MFHAS1: variants seen among roughly 807,000 people sequenced by gnomAD.
MFHAS1 encodes multifunctional ROCO family signaling regulator 1, also known as malignant fibrous histiocytoma-amplified sequence 1.
A neutral mutation model predicts 70.4 loss-of-function variants in MFHAS1; 50 were observed. The observed-to-expected ratio is 0.71, with a 90% CI of 0.57 to 0.90. The LOEUF (loss-of-function observed/expected upper bound fraction) is 0.90, where lower values mean the gene tolerates loss of function less well. MFHAS1 is among the 40% of genes least tolerant of loss of function. The pLI, the probability that MFHAS1 is intolerant of heterozygous loss-of-function variation, is 0.00. For synonymous variants in MFHAS1, 952 were observed against 620.0 expected, an observed-to-expected ratio of 1.54 and a Z score of -7.96; for missense variants, 1,795 against 1,347.6, an observed-to-expected ratio of 1.33 and a Z score of -5.20.
At chr8:8,847,329 G>A (rs1034896130) in intron 1 of MFHAS1, among the ~76,000 whole-genome samples, 2 of 152,150 alleles carry the variant, frequency 1.3e-5, no homozygotes, top group African/African-American at 4.8e-5. Flanking sequence ...TTAGAGGAAT[G>A]TGCCACCGCA....
chr8:8,807,757 G>A (rs1028694824), intron 1 of MFHAS1, among the ~76,000 whole-genome samples: 1 of 152,224 alleles, frequency 6.6e-6, no homozygotes, highest in Non-Finnish European at 1.5e-5. Context: ...CACACTGTAA[G>A]TAGCTAAAAC....
intron 1 of MFHAS1, among the ~76,000 whole-genome samples, chr8:8,884,565 G>C (rs1437775922): frequency 6.6e-6 from 1 of 152,174 alleles, no homozygotes; most frequent in East Asian, 1.9e-4. Context: ...TGGGAATGCT[G>C]GAGGAACACT....
chr8:8,790,459 G>T (rs1390054633), intron 2 of MFHAS1: 1 of 765,942 alleles, frequency 1.3e-6, no homozygotes, highest in African/African-American at 1.9e-5. Flanking sequence ...AAAAATTCCA[G>T]TATCAATGTG....
chr8:8,840,455 T>A (rs1386893421), intron 1 of MFHAS1, among the ~76,000 whole-genome samples: 2 of 104,898 alleles, frequency 1.9e-5, no homozygotes, highest in Non-Finnish European at 1.8e-5. Flanking sequence ...AGACTCCATC[T>A]CAATACAAAA....
intron 2 of MFHAS1, among the ~76,000 whole-genome samples, chr8:8,791,536 G>A (rs1585016438): frequency 6.6e-6 from 1 of 152,272 alleles, no homozygotes; most frequent in East Asian, 1.9e-4. Context: ...GAAGCATTCT[G>A]CAGGAACCCT....
chr8:8,889,535 T>C (rs1809905220), intron 1 of MFHAS1, among the ~76,000 whole-genome samples: 1 of 152,236 alleles, frequency 6.6e-6, no homozygotes, highest in African/African-American at 2.4e-5. Flanking sequence ...TACAATCTGA[T>C]TTCTATGCAT....
Position 8,783,933 on chromosome 8 carries a change from G to T in MFHAS1, c.*2089C>A, listed in dbSNP as rs777741882. 8.5e-5 allele frequency: 13 copies of T among 152,132 alleles called. No individual in the cohort carries two copies. Among genetic ancestry groups the T allele is most frequent in the Admixed American group, 2.6e-4 (4 of 15,278 alleles). 9.4% of individuals were successfully genotyped at this position (152,132 alleles called of 1,614,324 possible). A position where few individuals can be genotyped will look rare whatever the true frequency, so the allele number is the denominator to read the frequency against. ...GACCCTCGATCATGGTAACCCTTTT[G>T]CTAAGACACATGTGACACCAAGGTT... On this transcript the variant is annotated 3_prime_UTR_variant, in exon 3 of 3. Transcript: ENST00000276282.
At chr8:8,856,748 C>A (rs1402798958) in intron 1 of MFHAS1, among the ~76,000 whole-genome samples, 1 of 152,048 alleles carries the variant, frequency 6.6e-6, no homozygotes, top group Non-Finnish European at 1.5e-5. Context: ...AGCAGACCCC[C>A]ATGATGTCTG....
chr8:8,870,631 T>C (rs1809040069), intron 1 of MFHAS1, among the ~76,000 whole-genome samples: 1 of 151,952 alleles, frequency 6.6e-6, no homozygotes, highest in Non-Finnish European at 1.5e-5. Flanking sequence ...CTCCCATCCA[T>C]CTAACCACCC....
intron 1 of MFHAS1, among the ~76,000 whole-genome samples, chr8:8,819,430 C>T (rs1806863963): frequency 6.6e-6 from 1 of 151,820 alleles, no homozygotes; most frequent in African/African-American, 2.4e-5. Context: ...AGGGTGAAAC[C>T]CCATCTCTAC....
chr8:8,787,094 T>TG (rs1805571666), intron 2 of MFHAS1, among the ~76,000 whole-genome samples: 1 of 151,738 alleles, frequency 6.6e-6, no homozygotes, highest in Non-Finnish European at 1.5e-5. Flanking sequence ...TATTTTTTTT[T>TG]TTTTGAGACA....
In MFHAS1 at chr8:8,820,009, T is replaced by C. The variant is rs1388650464; in HGVS notation, c.2999-22518A>G. Among the ~76,000 whole-genome samples, 9 of 152,266 alleles carry C rather than the reference T, an allele frequency of 5.9e-5. No homozygotes were observed. The South Asian group carries it at 1.5e-3, about 25-fold the overall frequency. ...CACCACACCCAGTCTATACAGACTA[T>C]CTATGAAACACAAAACTTAAAATAA... On this transcript the variant is annotated intron_variant, in intron 1 of 2. Transcript: ENST00000276282.
At chr8:8,833,127 A>G (rs1421131867) in intron 1 of MFHAS1, among the ~76,000 whole-genome samples, 5 of 152,120 alleles carry the variant, frequency 3.3e-5, no homozygotes, top group African/African-American at 1.2e-4. Flanking sequence ...ACCAGATCCC[A>G]TGAGAATTCA....
chr8:8,886,284 G>GC (rs1198050389), intron 1 of MFHAS1, among the ~76,000 whole-genome samples: 1 of 151,570 alleles, frequency 6.6e-6, no homozygotes, highest in African/African-American at 2.4e-5. Context: ...TCCCACCTCA[G>GC]CCCCCCAACT....
chr8:8,885,956 C>G (rs1335496087), intron 1 of MFHAS1, among the ~76,000 whole-genome samples: 1 of 152,148 alleles, frequency 6.6e-6, no homozygotes, highest in Non-Finnish European at 1.5e-5. Flanking sequence ...GAAAGCAGGT[C>G]AAGACTTTCA....
chr8:8,819,644 G>T (rs10097574), intron 1 of MFHAS1, among the ~76,000 whole-genome samples: 8,292 of 151,402 alleles, frequency 0.055, 604 homozygotes, highest in African/African-American at 0.17. Context: ...CAAGAATCTG[G>T]CCAAAGTGGC....
intron 2 of MFHAS1, among the ~76,000 whole-genome samples, chr8:8,789,165 G>A (rs1563173984): frequency 6.6e-6 from 1 of 152,190 alleles, no homozygotes; most frequent in Admixed American, 6.5e-5. Flanking sequence ...AGGGAAGCCC[G>A]AGGCTGAAGC....
chr8:8,854,520 CA>C (rs34883754), intron 1 of MFHAS1, among the ~76,000 whole-genome samples: 95,181 of 140,552 alleles, frequency 0.68, 32,364 homozygotes, highest in East Asian at 0.84. Context: ...GACTCTGTCT[CA>C]AAAAAAAAAA....
At chr8:8,794,899 G>C (rs1243751375) in intron 2 of MFHAS1, among the ~76,000 whole-genome samples, 2 of 152,186 alleles carry the variant, frequency 1.3e-5, no homozygotes, top group Non-Finnish European at 2.9e-5. Flanking sequence ...TCGAGAGAGA[G>C]GCTGATAACA....
Sources: gnomAD v4.1 joint callset for allele counts (sites outside exome capture counted in the v4.1 genomes callset) on GRCh38, gnomAD v4.1.1 for gene constraint, MANE v1.5 for transcripts, NCBI Gene and HGNC (gene_info 2026-07-23, HGNC 2026-07-21) for gene names.